Variants in NHLRC2 observed in about 807,000 individuals in gnomAD.
NHLRC2 encodes the protein NHL repeat-containing protein 2.
A neutral mutation model predicts 68.1 loss-of-function variants in NHLRC2; 33 were observed. The observed-to-expected ratio is 0.48, with a 90% CI of 0.37 to 0.65. The LOEUF (loss-of-function observed/expected upper bound fraction) is 0.65. NHLRC2 is among the 30% of genes least tolerant of loss of function. NHLRC2 has a pLI of 0.00. For missense variants in NHLRC2, 761 were observed against 853.8 expected, an observed-to-expected ratio of 0.89 and a Z score of 1.35; for synonymous variants, 311 against 309.6, an observed-to-expected ratio of 1.00 and a Z score of -0.05.
At chr10:113,863,063 A>G (rs1845831499) in intron 2 of NHLRC2, among the ~76,000 whole-genome samples, 1 of 152,198 alleles carries the variant, frequency 6.6e-6, no homozygotes, top group South Asian at 2.1e-4. Flanking sequence ...ATATATGAAC[A>G]AAAATTGACA....
chr10:113,912,077 A>C lies in NHLRC2; in HGVS notation c.*3541A>C, dbSNP rs2134747758. 6.6e-6 allele frequency: 1 copy of C among 152,338 alleles called. No individual in the cohort carries two copies. The highest frequency in any genetic ancestry group is 1.9e-4 in the East Asian group (1 of 5,194). The allele number at this position is 152,338 out of a possible 1,614,324, so 9.4% of individuals were successfully genotyped here. A position where few individuals can be genotyped will look rare whatever the true frequency, so the allele number is the denominator to read the frequency against. On this transcript the variant is annotated 3_prime_UTR_variant, in exon 11 of 11. Coordinates refer to ENST00000369301, the MANE Select transcript of NHLRC2 (RefSeq NM_198514.4). ...TTCTCTTAAGTACGTGATTTCGTGA[A>C]GATAGCAATGGTTATGGCTTTTTTG...
chr10:113,889,230 A>C (rs1362681762), intron 5 of NHLRC2, among the ~76,000 whole-genome samples: 2 of 152,104 alleles, frequency 1.3e-5, no homozygotes, highest in African/African-American at 2.4e-5. Flanking sequence ...TTGGCCCTTT[A>C]ATCAACATTT....
In NHLRC2 at chr10:113,854,983, G is replaced by C; in HGVS notation, c.111G>C (p.Leu37=). The change falls in exon 1 of 11, where the codon CTG becomes CTC. Residue 37 remains leucine (L), a synonymous_variant. Coordinates refer to ENST00000369301, the MANE Select transcript of NHLRC2 (RefSeq NM_198514.4). ...TTACCCAGCAGGAGAAGGACAGCCT[G>C]GTCTACCAGTATCTGCAGAAGGTGG... ...DAVTQQEKDS[L]VYQYLQKVDG... The C allele has an allele frequency of 3.2e-6, 5 of 1,553,520 alleles. No homozygotes were observed. In the South Asian group the frequency reaches 3.6e-5, roughly 11 times the overall value.
chr10:113,865,942 G>A (rs1364282964), intron 2 of NHLRC2, among the ~76,000 whole-genome samples: 1 of 152,166 alleles, frequency 6.6e-6, no homozygotes, highest in Non-Finnish European at 1.5e-5. Flanking sequence ...ACTTCTGAAT[G>A]TATCTGCAGC....
rs923085797 is a variant in NHLRC2, at chr10:113,890,516, A to G, written c.1039+6136A>G. On this transcript the variant is annotated intron_variant, in intron 5 of 10. Coordinates refer to ENST00000369301, the MANE Select transcript of NHLRC2 (RefSeq NM_198514.4). The stretch of plus-strand genomic sequence containing the variant: ...TTGAATCTGTGGTTTGATGTTCATT[A>G]TTGTCAAGAAATTCTCACTCATTAT... 3.9e-5 allele frequency among the ~76,000 whole-genome samples: 6 copies of G among 151,966 alleles called. No individual in the cohort carries two copies. The East Asian group carries it at 1.2e-3, about 29-fold the overall frequency.
chr10:113,884,561 T>C (rs749114280), intron 5 of NHLRC2, among the ~76,000 whole-genome samples, 181 bp downstream of exon 5: 8 of 151,372 alleles, frequency 5.3e-5, no homozygotes, highest in South Asian at 4.1e-4. Context: ...GATATATATA[T>C]ACTAGAGTAT....
intron 10 of NHLRC2, among the ~76,000 whole-genome samples, chr10:113,907,016 C>A (rs1388664507): frequency 6.6e-6 from 1 of 152,052 alleles, no homozygotes; most frequent in Non-Finnish European, 1.5e-5. Context: ...ATAAGAAGTT[C>A]TCTACTAATC....
rs115751315 is a variant in NHLRC2 at position 113,915,510 on chromosome 10, A to G, written c.*6974A>G. The G allele has an allele frequency of 3.2e-3, 895 of 275,762 alleles. 10 individuals carry two copies. Among genetic ancestry groups the G allele is most frequent in the African/African-American group, 0.019 (837 of 44,116 alleles). The allele number at this position is 275,762 out of a possible 1,614,324, so 17.1% of individuals were successfully genotyped here. A position where few individuals can be genotyped will look rare whatever the true frequency, so the allele number is the denominator to read the frequency against. On this transcript the variant is annotated 3_prime_UTR_variant, in exon 11 of 11. Coordinates refer to ENST00000369301, the MANE Select transcript of NHLRC2 (RefSeq NM_198514.4). The stretch of plus-strand genomic sequence containing the variant: ...CATAGTTTACTACCTTTTGCTTTTA[A>G]TATACCTGGTTATCTATTTCCATTT...
chr10:113,901,987 G>T (rs1402270128), intron 7 of NHLRC2, 90 bp downstream of exon 7: 1 of 909,106 alleles, frequency 1.1e-6, no homozygotes, highest in Non-Finnish European at 1.7e-6. Flanking sequence ...ATTTAAGAGA[G>T]ACCATCCTTG....
At chr10:113,855,819 A>T (rs1480124106) in intron 1 of NHLRC2, among the ~76,000 whole-genome samples, 1 of 152,144 alleles carries the variant, frequency 6.6e-6, no homozygotes, top group East Asian at 1.9e-4. Flanking sequence ...AGTCCTAAAC[A>T]CTTGAGGGGA....
In NHLRC2 at chr10:113,914,916, C is replaced by G. The variant is rs768068622; in HGVS notation, c.*6380C>G. 1.3e-4 allele frequency: 60 copies of G among 448,204 alleles called. 2 individuals are homozygous for G. Among genetic ancestry groups the G allele is most frequent in the South Asian group, 9.3e-4 (59 of 63,116 alleles). The allele number at this position is 448,204 out of a possible 1,614,324, so 27.8% of individuals were successfully genotyped here. A position where few individuals can be genotyped will look rare whatever the true frequency, so the allele number is the denominator to read the frequency against. ...ATTCCATGGCTAACAAACCCTGGCC[C>G]CTTTACATATGAGCTCTGGAGGTTC... On this transcript the variant is annotated 3_prime_UTR_variant, in exon 11 of 11. Coordinates refer to ENST00000369301, the MANE Select transcript of NHLRC2 (RefSeq NM_198514.4).
rs575550684 is a variant in NHLRC2, at chr10:113,915,052, G to C, written c.*6516G>C. The C allele has an allele frequency of 3.3e-4, 150 of 456,118 alleles. No individual in the cohort carries two copies. Among genetic ancestry groups the C allele is most frequent in the Admixed American group, 9.4e-5 (4 of 42,552 alleles). The allele number at this position is 456,118 out of a possible 1,614,324, so 28.3% of individuals were successfully genotyped here. ...CTGATTGCATCCCACCTGTTTCTGAGTGTGTTGGTTTGGTTTAATTCTTTT... is the reference window on the plus strand; with the variant it reads ...CTGATTGCATCCCACCTGTTTCTGACTGTGTTGGTTTGGTTTAATTCTTTT... On this transcript the variant is annotated 3_prime_UTR_variant, in exon 11 of 11. Transcript: ENST00000369301.
chr10:113,855,991 A>C (rs868356971), intron 1 of NHLRC2, among the ~76,000 whole-genome samples: 3 of 152,162 alleles, frequency 2.0e-5, no homozygotes, highest in South Asian at 2.1e-4. Context: ...TGGATTATAC[A>C]GGCCCTGGAT....
chr10:113,867,602 A>G (rs1845880676), intron 2 of NHLRC2, among the ~76,000 whole-genome samples: 1 of 152,078 alleles, frequency 6.6e-6, no homozygotes, highest in Admixed American at 6.5e-5. Context: ...GCTTTCCTTC[A>G]GTTCCTAAGT....
intron 10 of NHLRC2, among the ~76,000 whole-genome samples, chr10:113,907,372 G>A (rs1029870530): frequency 6.6e-6 from 1 of 152,214 alleles, no homozygotes; most frequent in Non-Finnish European, 1.5e-5. Flanking sequence ...AGGTGGTCCA[G>A]TTTTTGTACA....
chr10:113,856,315 A>G (rs1298889004), intron 1 of NHLRC2, among the ~76,000 whole-genome samples: 7 of 152,008 alleles, frequency 4.6e-5, no homozygotes, highest in Non-Finnish European at 1.0e-4. Flanking sequence ...CAGTTATCTC[A>G]TGGGAGGTAT....
chr10:113,905,883 C>T (rs1203375061), intron 10 of NHLRC2, among the ~76,000 whole-genome samples: 1 of 152,150 alleles, frequency 6.6e-6, no homozygotes, highest in Non-Finnish European at 1.5e-5. Context: ...GGAGGAACTG[C>T]TGGTTAGTGT....
intron 4 of NHLRC2, among the ~76,000 whole-genome samples, chr10:113,883,975 T>C (rs565396559): frequency 7.4e-4 from 113 of 151,906 alleles, no homozygotes; most frequent in African/African-American, 2.3e-3. Context: ...TTTGTTTAGT[T>C]AAGATGAGGT....
chr10:113,886,680 C>T (rs1328232834), intron 5 of NHLRC2, among the ~76,000 whole-genome samples: 1 of 152,146 alleles, frequency 6.6e-6, no homozygotes, highest in Admixed American at 6.5e-5. Context: ...TGGATATCCA[C>T]ATGCAGATGA....
Sources: allele counts gnomAD v4.1 joint callset (sites outside exome capture counted in the v4.1 genomes callset), GRCh38; gene constraint gnomAD v4.1.1; transcripts MANE v1.5; gene names NCBI Gene and HGNC (gene_info 2026-07-23, HGNC 2026-07-21).